The following USP28 variants were observed in gnomAD, a reference collection of about 807,000 sequenced individuals.
USP28 encodes ubiquitin carboxyl-terminal hydrolase 28.
In USP28, 113 loss-of-function variants were observed where a neutral mutation model predicts 145.0. That is an observed-to-expected ratio of 0.78 (90% CI 0.67 to 0.91). The LOEUF (loss-of-function observed/expected upper bound fraction) is 0.91. Ranked by LOEUF, USP28 falls within the 40% of genes least tolerant of loss-of-function variation. The pLI is 0.00. For synonymous variants in USP28, 447 were observed against 450.9 expected (o/e 0.99, Z 0.11); for missense variants, 1,201 against 1,289.6 (o/e 0.93, Z 1.05).
rs762627126 is a variant in USP28 at position 113,823,696 on chromosome 11, T to G, written c.1192A>C (p.Met398Leu). ...CGAATAAGCTCCTTGCTCCTGTACA[T>G]GTACCTAAGTAAATAATCCCACAAA... The change falls in exon 12 of 25, where the codon ATG becomes CTG. Residue 398 changes from methionine (M) to leucine (L), a missense_variant. Physicochemically the swap from Met to Leu is conservative, Grantham distance 15 (BLOSUM62 2). Coordinates refer to ENST00000003302, the Ensembl canonical transcript of USP28. The G allele has an allele frequency of 4.4e-6, 7 of 1,601,690 alleles. No individual in the cohort carries two copies. The East Asian group carries it at 1.6e-4, about 36-fold the overall frequency.
intron 23 of USP28, 31 bp from the exon 25 acceptor site, chr11:113,801,709 A>G: frequency 6.5e-7 from 1 of 1,527,918 alleles, no homozygotes. Flanking sequence ...TAGGTGGGGA[A>G]GAGTCTGAAA....
chr11:113,807,822 T>C lies in USP28; in HGVS notation c.2304+476A>G, dbSNP rs139562560. The C allele has an allele frequency of 1.7e-5, 10 of 581,102 alleles. No individual in the cohort carries two copies. The East Asian group carries it at 1.3e-3, about 75-fold the overall frequency. 36.0% of individuals were successfully genotyped at this position (581,102 alleles called of 1,614,324 possible). ...AATGGTAACTAAGGTCAAAACCAAA[T>C]AGGCTTTCTTGACAATCATTTTTTG... is the stretch of plus-strand genomic sequence containing the variant. On this transcript the variant is annotated intron_variant, in intron 18 of 24. Coordinates refer to ENST00000003302, the Ensembl canonical transcript of USP28.
rs1329393805 is a variant in USP28 at position 113,832,173 on chromosome 11, G to A, written c.760-180C>T. The stretch of plus-strand genomic sequence containing the variant: ...CGCCCAGACTGGAGTGCAGTGGCGC[G>A]ATCTCAGCTCAATGCAGCCTCCACC... On this transcript the variant is annotated intron_variant, in intron 7 of 24. Transcript: ENST00000003302. 1.4e-4 allele frequency among the ~76,000 whole-genome samples: 22 copies of A among 151,830 alleles called. 1 individual carries two copies. Among genetic ancestry groups the A allele is most frequent in the East Asian group, 3.9e-4 (2 of 5,164 alleles).
chr11:113,857,991 G>A (rs974160937), intron 1 of USP28, among the ~76,000 whole-genome samples: 8 of 151,924 alleles, frequency 5.3e-5, no homozygotes, highest in African/African-American at 1.7e-4. Context: ...TCAGCTTCCC[G>A]AGTAGTTGGG....
intron 3 of USP28, among the ~76,000 whole-genome samples, chr11:113,846,761 C>A (rs1048045490): frequency 1.7e-4 from 26 of 152,292 alleles, no homozygotes; most frequent in African/African-American, 5.8e-4. Context: ...GAGACTGAGG[C>A]AGGCGGATCA....
intron 1 of USP28, chr11:113,859,512 T>C (rs1947417493): frequency 6.6e-6 from 1 of 152,090 alleles, no homozygotes; most frequent in African/African-American, 2.4e-5. Flanking sequence ...ATTATTTATA[T>C]ACATATACAA....
chr11:113,859,636 A>C (rs932990182), intron 1 of USP28, among the ~76,000 whole-genome samples: 1 of 151,928 alleles, frequency 6.6e-6, no homozygotes, highest in Non-Finnish European at 1.5e-5. Flanking sequence ...TTTTACAGTA[A>C]CACTAAACCC....
intron 19 of USP28, 71 bp downstream of exon 20, chr11:113,806,415 CCTT>C (rs1268978242): frequency 8.7e-5 from 116 of 1,328,648 alleles, no homozygotes; most frequent in Non-Finnish European, 1.2e-4. Context: ...CCATTTTTTC[CCTT>C]CTTATAGAAT....
chr11:113,816,874 A>G (rs917790390), intron 13 of USP28, among the ~76,000 whole-genome samples: 47 of 152,206 alleles, frequency 3.1e-4, no homozygotes, highest in African/African-American at 1.0e-3. Context: ...CCCCAGACTC[A>G]TGTCACTCCT....
intron 23 of USP28, 115 bp downstream of exon 24, chr11:113,803,043 G>C (rs1939322982): frequency 8.2e-7 from 1 of 1,213,158 alleles, no homozygotes; most frequent in Middle Eastern, 2.3e-4. Flanking sequence ...AGAATTTTGG[G>C]GGGAAATCTA....
chr11:113,813,487 C>T (rs928362972), intron 15 of USP28, among the ~76,000 whole-genome samples: 9 of 152,260 alleles, frequency 5.9e-5, no homozygotes, highest in African/African-American at 2.2e-4. Flanking sequence ...AGAAATAAAG[C>T]TTGAACGCAT....
chr11:113,860,336 T>C (rs1037107708), intron 1 of USP28, among the ~76,000 whole-genome samples: 7 of 151,774 alleles, frequency 4.6e-5, no homozygotes, highest in African/African-American at 1.7e-4. Context: ...AATTAATAAA[T>C]GTTCCCTTAC....
At chr11:113,843,878 A>C (rs1473316910) in intron 3 of USP28, among the ~76,000 whole-genome samples, 1 of 152,122 alleles carries the variant, frequency 6.6e-6, no homozygotes, top group African/African-American at 2.4e-5. Flanking sequence ...GAAGGAAAGA[A>C]TATCTTTTCA....
chr11:113,869,628 A>G (rs938165025), intron 1 of USP28, among the ~76,000 whole-genome samples: 4 of 152,116 alleles, frequency 2.6e-5, no homozygotes, highest in Admixed American at 2.6e-4. Flanking sequence ...CTCATCAGTA[A>G]TAGGGTAATA....
chr11:113,808,487 G>C (rs777456134), intron 17 of USP28, 50 bp from the exon 18 acceptor site: 2 of 1,591,978 alleles, frequency 1.3e-6, no homozygotes, highest in African/African-American at 2.7e-5. Flanking sequence ...AAATAGTCTA[G>C]AACACTCAGA....
intron 1 of USP28, among the ~76,000 whole-genome samples, chr11:113,865,500 T>C (rs1340555794): frequency 6.6e-6 from 1 of 152,188 alleles, no homozygotes; most frequent in Non-Finnish European, 1.5e-5. Flanking sequence ...TAAGGACAGA[T>C]ATATAGACCA....
At chr11:113,854,295 C>T in exon 2 of USP28, 2 of 1,614,108 alleles carry the variant, frequency 1.2e-6, no homozygotes, top group Middle Eastern at 1.6e-4. Context: ...GTCCTGAATG[C>T]CTGTGATTTC....
exon 1 of USP28, chr11:113,875,534 C>T (rs1389683855): frequency 8.8e-7 from 1 of 1,141,530 alleles, no homozygotes. Flanking sequence ...TCACCGGTCT[C>T]CCGCCGCAGC....
intron 7 of USP28, among the ~76,000 whole-genome samples, chr11:113,833,056 T>C (rs1358003212): frequency 6.6e-6 from 1 of 152,238 alleles, no homozygotes; most frequent in African/African-American, 2.4e-5. Context: ...ATCTGGACCA[T>C]TCCAAGACAA....
Sources: gnomAD v4.1 joint callset for allele counts (sites outside exome capture counted in the v4.1 genomes callset) on GRCh38, gnomAD v4.1.1 for gene constraint, MANE v1.5 for transcripts, NCBI Gene and HGNC (gene_info 2026-07-23, HGNC 2026-07-21) for gene names.